The following MPDZ variants were observed in gnomAD, a reference collection of about 807,000 sequenced individuals.
MPDZ encodes multiple PDZ domain protein.
MPDZ carries 234 observed loss-of-function variants against 239.1 expected under a neutral mutation model. The ratio of observed to expected loss-of-function variants is 0.98; its 90% CI spans 0.88 to 1.09. The LOEUF (loss-of-function observed/expected upper bound fraction) is 1.09, where lower values mean the gene tolerates loss of function less well. MPDZ is among the 50% of genes least tolerant of loss of function. MPDZ has a pLI of 0.00. For synonymous variants in MPDZ, 1,048 were observed against 881.3 expected, an observed-to-expected ratio of 1.19 and a Z score of -3.35; for missense variants, 3,175 against 2,510.0, an observed-to-expected ratio of 1.26 and a Z score of -5.66.
intron 28 of MPDZ, among the ~76,000 whole-genome samples, chr9:13,139,173 C>A (rs947686510): frequency 2.6e-5 from 4 of 152,206 alleles, no homozygotes; most frequent in Admixed American, 2.0e-4. Flanking sequence ...ATTTCATAAA[C>A]TATTTCCTGA....
chr9:13,109,193 T>C lies in MPDZ; in HGVS notation c.5943-134A>G, dbSNP rs568542158. On this transcript the variant is annotated intron_variant, in intron 45 of 46. Coordinates refer to ENST00000319217, the MANE Select transcript of MPDZ (RefSeq NM_001378778.1). ...ACTGACAAGGAGTATATTACGGGTA[T>C]TTTTGAGATGCTTAAATTGTCAGTG... The C allele has an allele frequency of 3.5e-5, 25 of 709,544 alleles. No homozygotes were observed. The South Asian group carries it at 1.5e-3, about 44-fold the overall frequency. The allele number at this position is 709,544 out of a possible 1,614,324, so 44.0% of individuals were successfully genotyped here. A position where few individuals can be genotyped will look rare whatever the true frequency, so the allele number is the denominator to read the frequency against.
chr9:13,228,492 A>G (rs1401726038), intron 3 of MPDZ, among the ~76,000 whole-genome samples: 1 of 152,182 alleles, frequency 6.6e-6, no homozygotes, highest in East Asian at 1.9e-4. Context: ...TAAAGCAGAA[A>G]AAATAACAAA....
intron 24 of MPDZ, among the ~76,000 whole-genome samples, chr9:13,151,569 T>C (rs1469988583): frequency 1.3e-5 from 2 of 152,120 alleles, no homozygotes; most frequent in African/African-American, 4.8e-5. Flanking sequence ...ATTTCACTCA[T>C]ATAAAGTACC....
chr9:13,264,978 G>T (rs941028477), intron 1 of MPDZ, among the ~76,000 whole-genome samples: 1 of 152,190 alleles, frequency 6.6e-6, no homozygotes, highest in African/African-American at 2.4e-5. Context: ...AAGATGCCAG[G>T]CATATTTCTT....
rs1463452514 is a variant in MPDZ at position 13,217,295 on chromosome 9, C to G, written c.1087-1G>C. 1 of 1,560,948 alleles carries G rather than the reference C, an allele frequency of 6.4e-7. No individual in the cohort carries two copies. The highest frequency in any genetic ancestry group is 1.4e-5 in the African/African-American group (1 of 73,412). ...CACCTTTCTGAGTAGAAGCATCAAC[C>G]TAAAATAAAATCAATAAATATACAG... On this transcript the variant is annotated splice_acceptor_variant, in intron 8 of 46. Transcript: ENST00000319217. LOFTEE classifies it high-confidence loss of function.
intron 1 of MPDZ, among the ~76,000 whole-genome samples, chr9:13,272,139 T>C (rs1220208376): frequency 6.6e-6 from 1 of 152,172 alleles, no homozygotes; most frequent in East Asian, 1.9e-4. Flanking sequence ...TTGTCAATTA[T>C]GACTTATACC....
intron 10 of MPDZ, among the ~76,000 whole-genome samples, chr9:13,209,870 T>A (rs565534343): frequency 6.6e-6 from 1 of 151,780 alleles, no homozygotes; most frequent in African/African-American, 2.4e-5. Flanking sequence ...AGGAAAAGAA[T>A]AAACCGATAA....
chr9:13,276,270 G>C (rs987060295), intron 1 of MPDZ, among the ~76,000 whole-genome samples: 4 of 152,070 alleles, frequency 2.6e-5, no homozygotes, highest in African/African-American at 9.7e-5. Flanking sequence ...CTCACCACTG[G>C]TTTCCTTTAT....
In MPDZ at chr9:13,221,358, T is replaced by C. The variant is rs2136274047; in HGVS notation, c.876+14A>G. ...TTGATAAAATAGCATAAAAGATCTA[T>C]TGATGTAGCCTACCTGATCAGCTAC... is the stretch of plus-strand genomic sequence containing the variant. On this transcript the variant is annotated intron_variant, in intron 7 of 46. Transcript: ENST00000319217. 1.3e-6 allele frequency: 2 copies of C among 1,590,754 alleles called. No homozygotes were observed. The highest frequency in any genetic ancestry group is 1.7e-6 in the Non-Finnish European group (2 of 1,168,846).
Position 13,219,542 on chromosome 9 carries a change from T to C in MPDZ, c.1086+17A>G. 2.5e-6 allele frequency: 4 copies of C among 1,604,086 alleles called. No individual in the cohort carries two copies. The highest frequency in any genetic ancestry group is 1.3e-5 in the African/African-American group (1 of 74,790). ...TTATTTCTCTGACTTTCACATTAAC[T>C]ACTCTTAACTACTTACCCGCAACTC... is the stretch of plus-strand genomic sequence containing the variant. On this transcript the variant is annotated intron_variant, in intron 8 of 46. Coordinates refer to ENST00000319217, the MANE Select transcript of MPDZ (RefSeq NM_001378778.1).
At chr9:13,183,946 T>G (rs1314562197) in intron 18 of MPDZ, among the ~76,000 whole-genome samples, 1 of 152,030 alleles carries the variant, frequency 6.6e-6, no homozygotes, top group African/African-American at 2.4e-5. Flanking sequence ...AATTGTGTCA[T>G]AATTTTTCCT....
chr9:13,132,960 C>T (rs1946228448), intron 32 of MPDZ, among the ~76,000 whole-genome samples: 1 of 152,010 alleles, frequency 6.6e-6, no homozygotes. Flanking sequence ...TATACTAAGC[C>T]TTAGATGATA....
intron 12 of MPDZ, among the ~76,000 whole-genome samples, chr9:13,204,521 T>C (rs944603398): frequency 2.4e-4 from 36 of 152,146 alleles, no homozygotes; most frequent in Admixed American, 2.2e-3. Flanking sequence ...TGATAATTTA[T>C]CTGCAATTAC....
rs373036600 is a variant in MPDZ at position 13,224,538 on chromosome 9, C to T, written c.229G>A (p.Val77Ile). 3 of 1,612,116 alleles carry T rather than the reference C, an allele frequency of 1.9e-6. No homozygotes were observed. The highest frequency in any genetic ancestry group is 1.1e-5 in the South Asian group (1 of 90,934). Reference protein sequence around the residue: ...SATSNIEYAHVPHLSPAVIPT... With the variant: ...SATSNIEYAHIPHLSPAVIPT... ...ATCACAGCTGGGCTGAGATGAGGAA[C>T]GTGGGCATATTCAATATTTGAAGTT... The change falls in exon 4 of 47, where the codon GTT becomes ATT. Residue 77 changes from valine (V) to isoleucine (I), a missense_variant. By Grantham distance (29) the Val-to-Ile change is conservative (BLOSUM62 3). Coordinates refer to ENST00000319217, the MANE Select transcript of MPDZ (RefSeq NM_001378778.1).
intron 22 of MPDZ, among the ~76,000 whole-genome samples, chr9:13,163,202 G>T (rs1375524971): frequency 6.6e-6 from 1 of 151,970 alleles, no homozygotes; most frequent in African/African-American, 2.4e-5. Context: ...AACAAATTAG[G>T]TATACTCTAT....
At chr9:13,240,471 T>A (rs1330075396) in intron 3 of MPDZ, among the ~76,000 whole-genome samples, 1 of 151,366 alleles carries the variant, frequency 6.6e-6, no homozygotes, top group Non-Finnish European at 1.5e-5. Context: ...TTAGATGATG[T>A]TTAGCTGAAG....
chr9:13,179,475 CA>C (rs1183748333), intron 19 of MPDZ, among the ~76,000 whole-genome samples: 1 of 152,056 alleles, frequency 6.6e-6, no homozygotes, highest in Non-Finnish European at 1.5e-5. Flanking sequence ...TTAACACAGA[CA>C]CACAGAAAAG....
intron 22 of MPDZ, among the ~76,000 whole-genome samples, chr9:13,165,976 GC>G (rs1951023862): frequency 6.6e-6 from 1 of 152,024 alleles, no homozygotes; most frequent in South Asian, 2.1e-4. Flanking sequence ...ATCGTAAATG[GC>G]AAAAAAGAAA....
chr9:13,267,580 G>C (rs1228884390), intron 1 of MPDZ, among the ~76,000 whole-genome samples: 1 of 152,134 alleles, frequency 6.6e-6, no homozygotes, highest in African/African-American at 2.4e-5. Context: ...AAGCAGAAAT[G>C]AATTTGAAAA....
Sources: allele counts gnomAD v4.1 joint callset (sites outside exome capture counted in the v4.1 genomes callset), GRCh38; gene constraint gnomAD v4.1.1; transcripts MANE v1.5; gene names NCBI Gene and HGNC (gene_info 2026-07-23, HGNC 2026-07-21).